Variants in LAS1L observed in about 807,000 individuals in gnomAD.
LAS1L encodes the protein ribosomal biogenesis protein LAS1L.
In LAS1L, 5 loss-of-function variants were observed where a neutral mutation model predicts 57.3. The observed-to-expected ratio is 0.09, with a 90% CI of 0.05 to 0.18. The LOEUF is 0.18. LAS1L is among the 10% of genes least tolerant of loss of function. The pLI, the probability that LAS1L is intolerant of heterozygous loss-of-function variation, is 1.00. For synonymous variants in LAS1L, 245 were observed against 231.7 expected (o/e 1.06, Z -0.52); for missense variants, 360 against 568.3 (o/e 0.63, Z 3.73).
intron 2 of LAS1L, among the ~76,000 whole-genome samples, chrX:65,532,838 T>C (rs944577092): frequency 8.9e-6 from 1 of 112,059 alleles, no homozygotes; most frequent in Admixed American, 9.5e-5. Context: ...TACAGATGAA[T>C]AAGACACTGC....
At chrX:65,524,382 G>A (rs1409280413) in intron 9 of LAS1L, 120 bp from the exon 10 acceptor site, 3 of 579,920 alleles carry the variant, frequency 5.2e-6, no homozygotes, top group African/African-American at 4.5e-5. Flanking sequence ...GAGAATGTGT[G>A]CGCGCGCATG....
At chrX:65,518,522 C>T (rs568867548) in intron 11 of LAS1L, 57 bp from the exon 12 acceptor site, 14 of 1,130,349 alleles carry the variant, frequency 1.2e-5, no homozygotes, top group Middle Eastern at 3.5e-4. Flanking sequence ...CACTTCATAC[C>T]CCAACACTCC....
At chrX:65,530,287 G>A (rs1192825784) in intron 4 of LAS1L, among the ~76,000 whole-genome samples, 1 of 112,079 alleles carries the variant, frequency 8.9e-6, no homozygotes, top group African/African-American at 3.2e-5. Flanking sequence ...AGGAACCCTT[G>A]GGTTCATGAC....
At chrX:65,525,625 A>G (rs1360511922) in intron 7 of LAS1L, among the ~76,000 whole-genome samples, 2 of 108,977 alleles carry the variant, frequency 1.8e-5, no homozygotes, top group Non-Finnish European at 3.8e-5. Context: ...AGTAGGCTAT[A>G]GGGGTAATCT....
chrX:65,515,727 C>T (rs182098788), intron 12 of LAS1L, among the ~76,000 whole-genome samples: 17 of 111,234 alleles, frequency 1.5e-4, no homozygotes, highest in Middle Eastern at 4.6e-3. Context: ...CAGTGACTGT[C>T]CTGTTCACTC....
At chrX:65,520,438 A>C in intron 11 of LAS1L, 2 of 754,000 alleles carry the variant, frequency 2.7e-6, no homozygotes, top group Non-Finnish European at 3.1e-6. Context: ...CTTAATTTCC[A>C]ATAGTATCTT....
intron 11 of LAS1L, chrX:65,522,969 CAG>C (rs2068935836): frequency 8.9e-6 from 1 of 111,971 alleles, no homozygotes; most frequent in Non-Finnish European, 1.9e-5. Context: ...CAGGAAATGA[CAG>C]AGAAAAGGAA....
At chrX:65,523,273 T>G in intron 11 of LAS1L, 2 of 238,562 alleles carry the variant, frequency 8.4e-6, no homozygotes, top group Non-Finnish European at 1.5e-5. Context: ...GCAGCTACCA[T>G]TTATTGTGCA....
At chrX:65,526,559 C>T (rs2069154462) in intron 7 of LAS1L, among the ~76,000 whole-genome samples, 1 of 111,688 alleles carries the variant, frequency 9.0e-6, no homozygotes, top group South Asian at 3.7e-4. Context: ...CCAGCCTACA[C>T]TGCAGTTCTC....
At chrX:65,529,104 G>C (rs2069332235) in intron 6 of LAS1L, 108 bp downstream of exon 6, 4 of 674,017 alleles carry the variant, frequency 5.9e-6, no homozygotes. Context: ...CTCACGCTTT[G>C]TCACTTTTCT....
At chrX:65,522,075 C>G (rs1046479620) in intron 11 of LAS1L, 1 of 111,419 alleles carries the variant, frequency 9.0e-6, no homozygotes, top group Non-Finnish European at 1.9e-5. Flanking sequence ...AGAGCAAGAG[C>G]CAGCAGAGCA....
chrX:65,517,231 C>CTTCTTTCT (rs750142412), intron 12 of LAS1L, among the ~76,000 whole-genome samples: 4 of 104,434 alleles, frequency 3.8e-5, no homozygotes, highest in African/African-American at 3.9e-5. Context: ...CCCTAGGTTC[C>CTTCTTTCT]TTCTTTCTTT....
In LAS1L at chrX:65,524,627, G is replaced by C. The variant is rs957526885; in HGVS notation, c.1043-13C>G. ...TCAGTCTGACCATCTGTAACATGAG[G>C]ATGTTGGACTAGATGACCTCACAAG... On this transcript the variant is annotated splice_polypyrimidine_tract_variant and intron_variant, in intron 8 of 13. Coordinates refer to ENST00000374811, the MANE Select transcript of LAS1L (RefSeq NM_031206.7). 1 of 526,640 alleles carries C rather than the reference G, an allele frequency of 1.9e-6. No homozygotes were observed. Among genetic ancestry groups the C allele is most frequent in the Admixed American group, 2.6e-5 (1 of 37,837 alleles). The allele number at this position is 526,640 out of a possible 1,213,427, so 43.4% of individuals were successfully genotyped here.
chrX:65,525,562 G>A (rs1221057784), intron 7 of LAS1L, among the ~76,000 whole-genome samples: 4 of 109,235 alleles, frequency 3.7e-5, no homozygotes, highest in Non-Finnish European at 7.6e-5. Context: ...TGGTCCATAG[G>A]CCTTATTACT....
At chrX:65,516,669 ACACACACAC>A (rs2148265806) in intron 12 of LAS1L, among the ~76,000 whole-genome samples, 1 of 106,657 alleles carries the variant, frequency 9.4e-6, no homozygotes, top group Non-Finnish European at 1.9e-5. Flanking sequence ...ACACACACAC[ACACACACAC>A]AAATTCTGCT....
intron 11 of LAS1L, chrX:65,521,346 T>C: frequency 1.4e-6 from 1 of 694,827 alleles, no homozygotes; most frequent in Non-Finnish European, 1.7e-6. Context: ...TGAGGCCTGT[T>C]TGGTGCCTAG....
chrX:65,521,625 T>A (rs2068853566), intron 11 of LAS1L: 1 of 112,016 alleles, frequency 8.9e-6, no homozygotes, highest in Admixed American at 9.5e-5. Context: ...CTGTGGGCCA[T>A]CCAAGGGGAG....
intron 4 of LAS1L, among the ~76,000 whole-genome samples, chrX:65,530,337 C>A (rs1185172709): frequency 1.8e-5 from 2 of 111,901 alleles, no homozygotes; most frequent in Non-Finnish European, 3.8e-5. Flanking sequence ...CCCACCTCAA[C>A]TATGGAGAGG....
At chrX:65,525,945 G>A (rs1208446023) in intron 7 of LAS1L, among the ~76,000 whole-genome samples, 2 of 110,705 alleles carry the variant, frequency 1.8e-5, no homozygotes, top group African/African-American at 6.6e-5. Context: ...CTTGGTGCCT[G>A]TAGAAGGGGT....
Sources: allele counts gnomAD v4.1 joint callset (sites outside exome capture counted in the v4.1 genomes callset), GRCh38; gene constraint gnomAD v4.1.1; transcripts MANE v1.5; gene names NCBI Gene and HGNC (gene_info 2026-07-23, HGNC 2026-07-21).